The following ZNF181 variants were observed in gnomAD, a reference collection of about 807,000 sequenced individuals.
ZNF181 encodes the protein zinc finger protein 181.
ZNF181 carries 8 observed loss-of-function variants against 11.9 expected under a neutral mutation model. That is an observed-to-expected ratio of 0.67 (90% confidence interval 0.39 to 1.21). The LOEUF is 1.21. Ranked by LOEUF, ZNF181 falls within the 50% of genes most tolerant of loss-of-function variation. The pLI is 0.01. For synonymous variants in ZNF181, 202 were observed against 221.1 expected (o/e 0.91, Z 0.77); for missense variants, 542 against 670.9 (o/e 0.81, Z 2.12).
intron 1 of ZNF181, among the ~76,000 whole-genome samples, chr19:34,737,182 A>T (rs571108804): frequency 6.6e-6 from 1 of 152,350 alleles, no homozygotes; most frequent in African/African-American, 2.4e-5. Flanking sequence ...TTTAGTGATT[A>T]TTAAGTAATA....
rs79452559 is a variant in ZNF181, at chr19:34,736,862, C to A, written c.9+1816C>A. Among the ~76,000 whole-genome samples, 1,086 of 152,236 alleles carry A rather than the reference C, an allele frequency of 7.1e-3. 5 individuals are homozygous for A. The highest frequency in any genetic ancestry group is 0.012 in the Non-Finnish European group (811 of 68,002). On this transcript the variant is annotated intron_variant, in intron 1 of 3. Coordinates refer to ENST00000492450, the MANE Select transcript of ZNF181 (RefSeq NM_001029997.4). ...TTGGGGACAGAGATGAGTGAACACC[C>A]CAGGCTGCCCAGACAACTGAAGGGG...
chr19:34,740,787 G>A lies in ZNF181; in HGVS notation c.406G>A (p.Asp136Asn). 6.2e-7 allele frequency: 1 copy of A among 1,614,016 alleles called. No individual in the cohort carries two copies. The highest frequency in any genetic ancestry group is 8.5e-7 in the Non-Finnish European group (1 of 1,179,974). The stretch of plus-strand genomic sequence containing the variant: ...GGAAGGGAAGCATGGAAGTCAGGTA[G>A]ACCATTTCAGACCAGCAATTCTCAC... ...KLEGKHGSQV[D>N]HFRPAILTSR... Residue 136 changes from aspartate (D) to asparagine (N), a missense_variant, in exon 4 of 4, where the codon GAC (aspartate) becomes AAC (asparagine). Coordinates refer to ENST00000492450, the MANE Select transcript of ZNF181 (RefSeq NM_001029997.4).
At position 34,742,420 on chromosome 19, in the gene ZNF181, T is replaced by C. The variant is rs1418006727; in HGVS notation, c.*323T>C. Reference sequence around the variant, plus strand: ...CTACAGGAGAGAAGCTGTATGAATGTAGAAAATTTAGAAATTGAGGGAAGT... The same window carrying C: ...CTACAGGAGAGAAGCTGTATGAATGCAGAAAATTTAGAAATTGAGGGAAGT... On this transcript the variant is annotated 3_prime_UTR_variant, in exon 4 of 4. Transcript: ENST00000492450. 1.2e-5 allele frequency: 2 copies of C among 170,092 alleles called. No homozygotes were observed. Among genetic ancestry groups the C allele is most frequent in the Non-Finnish European group, 2.5e-5 (2 of 79,428 alleles). The allele number at this position is 170,092 out of a possible 1,614,324, so 10.5% of individuals were successfully genotyped here.
rs746753669 is a variant in ZNF181 at position 34,741,551 on chromosome 19, A to T, written c.1170A>T (p.Ser390=). The T allele has an allele frequency of 2.5e-6, 4 of 1,614,046 alleles. No individual in the cohort carries two copies. The highest frequency in any genetic ancestry group is 1.3e-5 in the African/African-American group (1 of 75,050). Residue 390 remains serine, a synonymous_variant, in exon 4 of 4, where the codon TCA becomes TCT. Coordinates refer to ENST00000492450, the MANE Select transcript of ZNF181 (RefSeq NM_001029997.4). ...GTGGGAAAGCTTTCTGCTGTAGCTCACACCTTACTCGACATCAAAGAATTC... is the reference window on the plus strand; with the variant it reads ...GTGGGAAAGCTTTCTGCTGTAGCTCTCACCTTACTCGACATCAAAGAATTC... ...RECGKAFCCS[S]HLTRHQRIHT...
rs1399622421 is a variant in ZNF181, at chr19:34,740,937, G to A, written c.556G>A (p.Asp186Asn). 1 of 1,613,664 alleles carries A rather than the reference G, an allele frequency of 6.2e-7. No homozygotes were observed. Among genetic ancestry groups the A allele is most frequent in the Non-Finnish European group, 8.5e-7 (1 of 1,179,808 alleles). ...TGCTGAAGGGAATTCACACAAATAT[G>A]ATATATTAAAGAAGAACTTACCAAA... is the stretch of plus-strand genomic sequence containing the variant. ...ISAEGNSHKYDILKKNLPKKS... is the reference protein window; with the variant it reads ...ISAEGNSHKYNILKKNLPKKS... The change falls in exon 4 of 4, where the codon GAT (aspartate) becomes AAT (asparagine). Residue 186 changes from aspartate to asparagine, a missense_variant. Asp to Asn is a conservative substitution (Grantham distance 23). Transcript: ENST00000492450.
rs1325136542 is a variant in ZNF181, at chr19:34,745,019, C to T, written c.*2922C>T. ...ACAGAACTAGGAAAAAGAAGGCCAT[C>T]TTTTTAAATGAAGATAGTTTTAAGA... On this transcript the variant is annotated 3_prime_UTR_variant, in exon 4 of 4. Transcript: ENST00000492450. 2 of 152,130 alleles carry T rather than the reference C, an allele frequency of 1.3e-5. No homozygotes were observed. The highest frequency in any genetic ancestry group is 4.8e-5 in the African/African-American group (2 of 41,434). The allele number at this position is 152,130 out of a possible 1,614,324, so 9.4% of individuals were successfully genotyped here.
chr19:34,740,861 T>A lies in ZNF181; in HGVS notation c.480T>A (p.Phe160Leu), dbSNP rs1314048751. 1 of 1,614,072 alleles carries A rather than the reference T, an allele frequency of 6.2e-7. No homozygotes were observed. The highest frequency in any genetic ancestry group is 1.1e-5 in the South Asian group (1 of 91,070). Residue 160 changes from phenylalanine (F) to leucine (L), a missense_variant, in exon 4 of 4, where the codon TTT (phenylalanine) becomes TTA (leucine). Physicochemically the swap from Phe to Leu is conservative, Grantham distance 22. Transcript: ENST00000492450. ...TADSVYKYNI[F>L]RSTFHSKSTL... ...ACAGTGTTTACAAATACAATATATT[T>A]AGAAGCACCTTTCATTCAAAGTCTA...
rs1413360663 is a variant in ZNF181 at position 34,741,401 on chromosome 19, A to G, written c.1020A>G (p.Leu340=). Residue 340 remains leucine, a synonymous_variant, in exon 4 of 4, where the codon CTA becomes CTG. Transcript: ENST00000492450. ...GTGTGTCCCATCTTATTGAACATCT[A>G]AGAATTCATACTCAAGAAAAACTCT... ...FSRVSHLIEH[L]RIHTQEKLYE... 3.1e-6 allele frequency: 5 copies of G among 1,613,888 alleles called. 1 individual carries two copies. Among genetic ancestry groups the G allele is most frequent in the South Asian group, 2.2e-5 (2 of 91,074 alleles).
chr19:34,739,930 CATACTG>C (rs995741958), intron 3 of ZNF181, among the ~76,000 whole-genome samples: 2 of 152,094 alleles, frequency 1.3e-5, no homozygotes, highest in African/African-American at 4.8e-5. Context: ...TAAAGAAAAA[CATACTG>C]ATAGTTTTAG....
In ZNF181 at chr19:34,745,006, A is replaced by G. The variant is rs917523881; in HGVS notation, c.*2909A>G. On this transcript the variant is annotated 3_prime_UTR_variant, in exon 4 of 4. Coordinates refer to ENST00000492450, the MANE Select transcript of ZNF181 (RefSeq NM_001029997.4). The stretch of plus-strand genomic sequence containing the variant: ...GTGCCTTCACAATACAGAACTAGGA[A>G]AAAGAAGGCCATCTTTTTAAATGAA... 5 of 152,228 alleles carry G rather than the reference A, an allele frequency of 3.3e-5. No homozygotes were observed. Among genetic ancestry groups the G allele is most frequent in the African/African-American group, 1.2e-4 (5 of 41,458 alleles). 9.4% of individuals were successfully genotyped at this position (152,228 alleles called of 1,614,324 possible). A position where few individuals can be genotyped will look rare whatever the true frequency, so the allele number is the denominator to read the frequency against.
rs1222685645 is a variant in ZNF181, at chr19:34,743,353, T to C, written c.*1256T>C. 1 of 152,104 alleles carries C rather than the reference T, an allele frequency of 6.6e-6. No individual in the cohort carries two copies. The highest frequency in any genetic ancestry group is 1.5e-5 in the Non-Finnish European group (1 of 68,022). The allele number at this position is 152,104 out of a possible 1,614,324, so 9.4% of individuals were successfully genotyped here. A position where few individuals can be genotyped will look rare whatever the true frequency, so the allele number is the denominator to read the frequency against. On this transcript the variant is annotated 3_prime_UTR_variant, in exon 4 of 4. Coordinates refer to ENST00000492450, the MANE Select transcript of ZNF181 (RefSeq NM_001029997.4). The stretch of plus-strand genomic sequence containing the variant: ...CAAGAAAGATGGATAGCAAATAAAT[T>C]TGAAATAATGGTTTACAAGTGCTAT...
chr19:34,741,676 C>A lies in ZNF181; in HGVS notation c.1295C>A (p.Pro432His). ...QHQSIHTEEK[P>H]FECQKCRKSF... ...CAGAGTATTCATACTGAAGAAAAAC[C>A]CTTTGAATGTCAGAAATGCAGGAAA... is the stretch of plus-strand genomic sequence containing the variant. The change falls in exon 4 of 4, where the codon CCC becomes CAC. Residue 432 changes from proline to histidine, a missense_variant. Pro to His is a moderately conservative substitution (Grantham distance 77). Transcript: ENST00000492450. 5 of 1,613,566 alleles carry A rather than the reference C, an allele frequency of 3.1e-6. 1 individual carries two copies. The South Asian group carries it at 5.5e-5, about 18-fold the overall frequency.
rs768126252 is a variant in ZNF181 at position 34,742,023 on chromosome 19, G to C, written c.1642G>C (p.Val548Leu). The change falls in exon 4 of 4, where the codon GTA becomes CTA. Residue 548 changes from valine (V) to leucine (L), a missense_variant. Coordinates refer to ENST00000492450, the MANE Select transcript of ZNF181 (RefSeq NM_001029997.4). ...TAATGGAGAGAAACCCAATAGTGTG[G>C]TAAGTGTGGAAAAGCCTTTAGACTA... ...VHNGEKPNSV[V>L]SVEKPLDYMN... 5.0e-6 allele frequency: 8 copies of C among 1,612,816 alleles called. No homozygotes were observed. In the African/African-American group the frequency reaches 9.4e-5, roughly 19 times the overall value.
rs770204188 is a variant in ZNF181, at chr19:34,741,818, T to A, written c.1437T>A (p.His479Gln). ...AFSHRSSLLQ[H>Q]HRIHTGEKPY... ...GTCATAGGTCATCCCTGCTTCAACA[T>A]CACAGAATTCATACTGGAGAGAAAC... is the stretch of plus-strand genomic sequence containing the variant. Residue 479 changes from histidine to glutamine, a missense_variant, in exon 4 of 4, where the codon CAT (histidine) becomes CAA (glutamine). Physicochemically the swap from His to Gln is conservative, Grantham distance 24. Coordinates refer to ENST00000492450, the MANE Select transcript of ZNF181 (RefSeq NM_001029997.4). 6.2e-7 allele frequency: 1 copy of A among 1,613,980 alleles called. No individual in the cohort carries two copies.
At chr19:34,739,690 T>C in intron 3 of ZNF181, 69 bp downstream of exon 3, 1 of 1,544,890 alleles carries the variant, frequency 6.5e-7, no homozygotes, top group Non-Finnish European at 8.9e-7. Context: ...ATAGTGAGTT[T>C]ATAGTGAGTG....
intron 1 of ZNF181, 79 bp from the exon 2 acceptor site, chr19:34,739,069 A>G: frequency 1.3e-6 from 2 of 1,590,864 alleles, no homozygotes; most frequent in African/African-American, 1.4e-5. Context: ...TTCTCCCACA[A>G]CCAGGCTAAT....
rs1418612556 is a variant in ZNF181 at position 34,742,179 on chromosome 19, T to C, written c.*82T>C. On this transcript the variant is annotated 3_prime_UTR_variant, in exon 4 of 4. Coordinates refer to ENST00000492450, the MANE Select transcript of ZNF181 (RefSeq NM_001029997.4). ...TTTATACTGGGGAAAGTCTTATGAA[T>C]GTGGTGAATATAGGAAGACCTTTTA... The C allele has an allele frequency of 2.1e-6, 3 of 1,404,994 alleles. No individual in the cohort carries two copies. The highest frequency in any genetic ancestry group is 2.9e-6 in the Non-Finnish European group (3 of 1,043,116). The allele number at this position is 1,404,994 out of a possible 1,614,324, so 87.0% of individuals were successfully genotyped here. A position where few individuals can be genotyped will look rare whatever the true frequency, so the allele number is the denominator to read the frequency against.
Position 34,735,060 on chromosome 19 carries a change from T to C in ZNF181, c.9+14T>C. The C allele has an allele frequency of 6.4e-7, 1 of 1,570,120 alleles. No individual in the cohort carries two copies. The highest frequency in any genetic ancestry group is 1.7e-4 in the Middle Eastern group (1 of 6,010). ...GTAATGCCTCAGGTAGGTCGGTGTGTCCGCAAATCTTCCTGAAACACTTTA... is the reference window on the plus strand; with the variant it reads ...GTAATGCCTCAGGTAGGTCGGTGTGCCCGCAAATCTTCCTGAAACACTTTA... On this transcript the variant is annotated intron_variant, in intron 1 of 3. Coordinates refer to ENST00000492450, the MANE Select transcript of ZNF181 (RefSeq NM_001029997.4).
Position 34,740,700 on chromosome 19 carries a change from G to A in ZNF181, c.319G>A (p.Val107Ile), listed in dbSNP as rs777179975. Residue 107 changes from valine to isoleucine, a missense_variant, in exon 4 of 4, where the codon GTT becomes ATT. By Grantham distance (29) the Val-to-Ile change is conservative. Coordinates refer to ENST00000492450, the MANE Select transcript of ZNF181 (RefSeq NM_001029997.4). ...DSPQTVIIEKVVKQSYEFSNS... is the reference protein window; with the variant it reads ...DSPQTVIIEKIVKQSYEFSNS... ...ACCCCAAACAGTAATAATAGAAAAA[G>A]TTGTAAAACAAAGTTATGAATTTTC... 4.0e-5 allele frequency: 65 copies of A among 1,612,792 alleles called. No individual in the cohort carries two copies. The East Asian group carries it at 1.4e-3, about 36-fold the overall frequency.
Sources: gnomAD v4.1 joint callset for allele counts (sites outside exome capture counted in the v4.1 genomes callset) on GRCh38, gnomAD v4.1.1 for gene constraint, MANE v1.5 for transcripts, NCBI Gene and HGNC (gene_info 2026-07-23, HGNC 2026-07-21) for gene names.